Variants in PTPRZ1 observed in about 807,000 individuals in gnomAD.
PTPRZ1 encodes the protein receptor-type tyrosine-protein phosphatase zeta.
A neutral mutation model predicts 214.1 loss-of-function variants in PTPRZ1; 82 were observed. The ratio of observed to expected loss-of-function variants is 0.38; its 90% CI spans 0.32 to 0.46. The LOEUF (loss-of-function observed/expected upper bound fraction) is 0.46. Ranked by LOEUF, PTPRZ1 falls within the 20% of genes least tolerant of loss-of-function variation. PTPRZ1 has a pLI of 1.00. For synonymous variants in PTPRZ1, 945 were observed against 987.9 expected (o/e 0.96, Z 0.81); for missense variants, 2,603 against 2,748.7 (o/e 0.95, Z 1.19).
chr7:121,944,341 T>TTA (rs1043404889), intron 2 of PTPRZ1, among the ~76,000 whole-genome samples: 4 of 152,134 alleles, frequency 2.6e-5, no homozygotes, highest in Non-Finnish European at 4.4e-5. Flanking sequence ...TTTTTCATTC[T>TTA]TATATATATA....
In PTPRZ1 at chr7:122,012,424, A is replaced by G. The variant is rs150328025; in HGVS notation, c.3378A>G (p.Gln1126=). ...TTCCAGAAAATAACTTTTCAGTTCAACCTACACATACTGTCTCTCAAGCAT... is the reference window on the plus strand; with the variant it reads ...TTCCAGAAAATAACTTTTCAGTTCAGCCTACACATACTGTCTCTCAAGCAT... ...SQVPENNFSV[Q]PTHTVSQASG... is the part of the protein sequence containing the mutation. Residue 1126 remains glutamine, a synonymous_variant, in exon 12 of 30, where the codon CAA becomes CAG. Coordinates refer to ENST00000393386, the MANE Select transcript of PTPRZ1 (RefSeq NM_002851.3). 32 of 1,613,722 alleles carry G rather than the reference A, an allele frequency of 2.0e-5. No individual in the cohort carries two copies. Among genetic ancestry groups the G allele is most frequent in the Admixed American group, 5.0e-5 (3 of 59,994 alleles).
intron 27 of PTPRZ1, among the ~76,000 whole-genome samples, chr7:122,057,250 G>A (rs1016838532): frequency 3.3e-5 from 5 of 151,904 alleles, no homozygotes; most frequent in African/African-American, 1.2e-4. Context: ...CATCAGGAAT[G>A]TATGAGTGCA....
chr7:122,045,685 C>CACACAA, intron 23 of PTPRZ1, among the ~76,000 whole-genome samples: 1 of 141,630 alleles, frequency 7.1e-6, no homozygotes, highest in African/African-American at 2.6e-5. Flanking sequence ...AAATAAATTA[C>CACACAA]ACACACACAC....
At chr7:121,930,934 G>A (rs80247975) in intron 2 of PTPRZ1, among the ~76,000 whole-genome samples, 3,007 of 152,192 alleles carry the variant, frequency 0.02, 91 homozygotes, top group African/African-American at 0.069. Context: ...CATGGAAGAT[G>A]ACATTACAAG....
At chr7:121,935,529 G>GT in intron 2 of PTPRZ1, among the ~76,000 whole-genome samples, 1 of 138,450 alleles carries the variant, frequency 7.2e-6, no homozygotes, top group East Asian at 2.2e-4. Context: ...TTTTGTTTTT[G>GT]TTTTTTGGGG....
At position 121,954,950 on chromosome 7, in the gene PTPRZ1, A is replaced by T. The variant is rs573200512; in HGVS notation, c.125-13001A>T. 1.1e-4 allele frequency among the ~76,000 whole-genome samples: 16 copies of T among 152,324 alleles called. No individual in the cohort carries two copies. In the South Asian group the frequency reaches 3.1e-3, roughly 30 times the overall value. On this transcript the variant is annotated intron_variant, in intron 2 of 29. Transcript: ENST00000393386. ...AGATCTGATGTAAGAGTATTCTGTGATAAGTGTATACAGAAAGGAGGAACC... is the reference window on the plus strand; with the variant it reads ...AGATCTGATGTAAGAGTATTCTGTGTTAAGTGTATACAGAAAGGAGGAACC...
chr7:121,956,981 T>G (rs1346058986), intron 2 of PTPRZ1, among the ~76,000 whole-genome samples: 1 of 152,178 alleles, frequency 6.6e-6, no homozygotes, highest in Non-Finnish European at 1.5e-5. Context: ...TAAAACAAAA[T>G]TCTGCATTTT....
In PTPRZ1 at chr7:122,028,608, T is replaced by A; in HGVS notation, c.5045T>A (p.Ile1682Lys). 1 of 1,545,498 alleles carries A rather than the reference T, an allele frequency of 6.5e-7. No individual in the cohort carries two copies. Among genetic ancestry groups the A allele is most frequent in the South Asian group, 1.1e-5 (1 of 89,690 alleles). ...YLEDSTSPRV[I>K]STPPTPIFPI... The stretch of plus-strand genomic sequence containing the variant: ...GAGGACAGTACATCCCCTAGAGTTA[T>A]ATCCACACCTCCAACACCTATCTTT... Residue 1682 changes from isoleucine (I) to lysine (K), a missense_variant, in exon 14 of 30, where the codon ATA becomes AAA. Around this residue, in one of 6 missense-constraint regions of PTPRZ1, gnomAD observed 1,913 missense variants for 1,914.3 expected, o/e 1.00. Transcript: ENST00000393386.
At chr7:121,910,807 T>C (rs1028450319) in intron 1 of PTPRZ1, among the ~76,000 whole-genome samples, 1 of 152,110 alleles carries the variant, frequency 6.6e-6, no homozygotes, top group Non-Finnish European at 1.5e-5. Flanking sequence ...AATTTGGCAT[T>C]ATAATGAAAA....
At chr7:121,919,880 G>A (rs1431706059) in intron 1 of PTPRZ1, among the ~76,000 whole-genome samples, 2 of 151,224 alleles carry the variant, frequency 1.3e-5, no homozygotes, top group East Asian at 3.9e-4. Flanking sequence ...AAATGTTCTA[G>A]TCAATTTTTA....
chr7:122,016,845 C>T (rs1169194456), intron 12 of PTPRZ1, among the ~76,000 whole-genome samples: 3 of 151,870 alleles, frequency 2.0e-5, no homozygotes, highest in Admixed American at 6.6e-5. Context: ...AAGCTTACTT[C>T]GTACATATAT....
chr7:121,942,449 T>A (rs1796261349), intron 2 of PTPRZ1, among the ~76,000 whole-genome samples: 1 of 152,238 alleles, frequency 6.6e-6, no homozygotes, highest in African/African-American at 2.4e-5. Flanking sequence ...AGGATATATT[T>A]ATGAGGTTTC....
intron 1 of PTPRZ1, among the ~76,000 whole-genome samples, chr7:121,916,947 A>G (rs990372604): frequency 1.3e-5 from 2 of 152,232 alleles, no homozygotes; most frequent in African/African-American, 4.8e-5. Flanking sequence ...AAAAGAAAGT[A>G]CAAGTGAGAT....
At chr7:122,018,977 G>C (rs1798930729) in intron 12 of PTPRZ1, 147 bp from the exon 13 acceptor site, 12 of 711,722 alleles carry the variant, frequency 1.7e-5, no homozygotes, top group African/African-American at 3.7e-5. Flanking sequence ...AATTAAATTG[G>C]CTTATAATTG....
intron 12 of PTPRZ1, among the ~76,000 whole-genome samples, chr7:122,016,721 C>A (rs955616130): frequency 1.3e-5 from 2 of 151,338 alleles, no homozygotes; most frequent in Non-Finnish European, 2.9e-5. Context: ...TAGGACATAT[C>A]TCATATATAT....
chr7:121,951,128 GAATT>G (rs1380457703), intron 2 of PTPRZ1, among the ~76,000 whole-genome samples: 49 of 152,290 alleles, frequency 3.2e-4, no homozygotes, highest in Middle Eastern at 6.8e-3. Context: ...AAATCACAAT[GAATT>G]AATTGAGAAT....
At chr7:122,053,812 A>G in intron 25 of PTPRZ1, 98 bp from the exon 26 acceptor site, 2 of 1,421,974 alleles carry the variant, frequency 1.4e-6, no homozygotes, top group South Asian at 1.3e-5. Context: ...GCAATTCAAA[A>G]GACTATTTTG....
intron 8 of PTPRZ1, among the ~76,000 whole-genome samples, chr7:121,993,969 C>T (rs1798050876): frequency 6.6e-6 from 1 of 151,998 alleles, no homozygotes; most frequent in Non-Finnish European, 1.5e-5. Context: ...AAGTAAATTT[C>T]TAATTAAAAT....
intron 12 of PTPRZ1, among the ~76,000 whole-genome samples, chr7:122,018,544 G>A (rs1798914935): frequency 6.6e-6 from 1 of 151,330 alleles, no homozygotes; most frequent in Non-Finnish European, 1.5e-5. Context: ...AAAACAATGG[G>A]TAAGAAGAAC....
Sources: gnomAD v4.1 joint callset for allele counts (sites outside exome capture counted in the v4.1 genomes callset) on GRCh38, gnomAD v4.1.1 for gene constraint, gnomAD v4.1.1 regional missense constraint, MANE v1.5 for transcripts, NCBI Gene and HGNC (gene_info 2026-07-23, HGNC 2026-07-21) for gene names.